RPS6KA2: variants seen among roughly 807,000 people sequenced by gnomAD.
The protein encoded by RPS6KA2 is ribosomal protein S6 kinase alpha-2.
RPS6KA2 carries 42 observed loss-of-function variants against 91.8 expected under a neutral mutation model. That is an observed-to-expected ratio of 0.46 (90% confidence interval 0.36 to 0.59). The LOEUF (loss-of-function observed/expected upper bound fraction) is 0.59, where lower values mean the gene tolerates loss of function less well. Among genes scored for constraint, RPS6KA2 ranks in the 20% least tolerant of loss-of-function variants. RPS6KA2 has a pLI of 0.00. For missense variants in RPS6KA2, 798 were observed against 978.5 expected, an observed-to-expected ratio of 0.82 and a Z score of 2.46; for synonymous variants, 414 against 393.6, an observed-to-expected ratio of 1.05 and a Z score of -0.61.
intron 2 of RPS6KA2, among the ~76,000 whole-genome samples, chr6:166,765,119 C>T (rs1453764479): frequency 7.5e-6 from 1 of 133,152 alleles, no homozygotes; most frequent in Non-Finnish European, 1.5e-5. Flanking sequence ...AGGAAAGGAC[C>T]CAGAAGTTAG....
Position 166,500,947 on chromosome 6 carries a change from A to G in RPS6KA2, c.567-23T>C. On this transcript the variant is annotated intron_variant, in intron 6 of 20. Coordinates refer to ENST00000265678, the MANE Select transcript of RPS6KA2 (RefSeq NM_021135.6). This position sits in a 1 kb window ranked among gnomAD's most constrained non-coding sequence, Gnocchi z 4.3. ...ATGCTAAAAGAAAGGGAGAGAAAAC[A>G]GATGCTTTAGAAAGAGACCCAGCCT... 6.2e-7 allele frequency: 1 copy of G among 1,611,856 alleles called. No homozygotes were observed. Among genetic ancestry groups the G allele is most frequent in the East Asian group, 2.2e-5 (1 of 44,850 alleles).
chr6:166,701,526 A>G, intron 2 of RPS6KA2: 1 of 1,441,806 alleles, frequency 6.9e-7, no homozygotes, highest in Non-Finnish European at 9.7e-7. Context: ...TTGAAGCTCC[A>G]GCAAAGCGAG....
intron 2 of RPS6KA2, among the ~76,000 whole-genome samples, chr6:166,839,714 A>AGAGGAGAGGAGAGGAGAGGAGAG (rs1467381113): frequency 2.5e-5 from 1 of 39,370 alleles, no homozygotes; most frequent in African/African-American, 1.2e-4. Flanking sequence ...AGAGGAGAGG[A>AGAGGAGAGGAGAGGAGAGGAGAG]GAGGCGGCAC....
At chr6:166,446,121 C>T (rs1256754380) in intron 14 of RPS6KA2, among the ~76,000 whole-genome samples, 2 of 152,224 alleles carry the variant, frequency 1.3e-5, no homozygotes, top group East Asian at 3.8e-4. Flanking sequence ...CAAGTGGACC[C>T]ATTCTAAATA....
chr6:166,838,885 C>T (rs1331707700), intron 2 of RPS6KA2, among the ~76,000 whole-genome samples: 1 of 137,698 alleles, frequency 7.3e-6, no homozygotes, highest in Non-Finnish European at 1.5e-5. Flanking sequence ...CACCAGGGCC[C>T]TCATAAGAGG....
At position 166,661,607 on chromosome 6, in the gene RPS6KA2, A is replaced by G. The variant is rs552951509; in HGVS notation, c.124-122823T>C. 1.9e-4 allele frequency among the ~76,000 whole-genome samples: 29 copies of G among 152,220 alleles called. No individual in the cohort carries two copies. The South Asian group carries it at 5.8e-3, about 30-fold the overall frequency. On this transcript the variant is annotated intron_variant, in intron 2 of 21. Transcript: ENST00000503859. Reference sequence around the variant, plus strand: ...TAACTTTTTATCATAGTCTCCCTATATAATAAATATAAAATCTACATTTAT... The same window carrying G: ...TAACTTTTTATCATAGTCTCCCTATGTAATAAATATAAAATCTACATTTAT...
chr6:166,630,506 A>G (rs999500068), upstream of RPS6KA2, among the ~76,000 whole-genome samples: 3 of 152,260 alleles, frequency 2.0e-5, no homozygotes, highest in Admixed American at 6.5e-5. Context: ...TGAATTCACT[A>G]GGTTCACCTG....
At chr6:166,549,560 T>C (rs1012746395) in intron 1 of RPS6KA2, among the ~76,000 whole-genome samples, 1 of 152,222 alleles carries the variant, frequency 6.6e-6, no homozygotes, top group Admixed American at 6.5e-5. Context: ...CAAAGGATTA[T>C]ACAATGTATG....
intron 2 of RPS6KA2, among the ~76,000 whole-genome samples, chr6:166,640,322 T>C (rs1176357679): frequency 6.6e-6 from 1 of 152,230 alleles, no homozygotes. Context: ...TTTCATTGTT[T>C]AAAAATATTT....
At chr6:166,717,005 G>C (rs547968369) in intron 2 of RPS6KA2, among the ~76,000 whole-genome samples, 1 of 152,358 alleles carries the variant, frequency 6.6e-6, no homozygotes, top group South Asian at 2.1e-4. Context: ...TGTGTAGGAG[G>C]ATCCGGAGCC....
chr6:166,490,821 C>T lies in RPS6KA2; in HGVS notation c.748-80G>A. 2 of 1,030,320 alleles carry T rather than the reference C, an allele frequency of 1.9e-6. No homozygotes were observed. Among genetic ancestry groups the T allele is most frequent in the Non-Finnish European group, 3.0e-6 (2 of 677,622 alleles). The allele number at this position is 1,030,320 out of a possible 1,614,324, so 63.8% of individuals were successfully genotyped here. On this transcript the variant is annotated intron_variant, in intron 8 of 20. Coordinates refer to ENST00000265678, the MANE Select transcript of RPS6KA2 (RefSeq NM_021135.6). This position sits in a 1 kb window ranked among gnomAD's most constrained non-coding sequence, Gnocchi z 4.2. ...ACGGCAGAGTACCCCAGCAGGGCAG[C>T]CTGCTACCGTGTCCATTTCCTCATG...
intron 3 of RPS6KA2, among the ~76,000 whole-genome samples, chr6:166,521,114 G>A (rs1438196917): frequency 6.6e-6 from 1 of 152,250 alleles, no homozygotes; most frequent in African/African-American, 2.4e-5. Context: ...GGAGGGAGCA[G>A]GTGGCAAAGG....
At chr6:166,822,267 G>A (rs577742939) in intron 2 of RPS6KA2, among the ~76,000 whole-genome samples, 2 of 152,194 alleles carry the variant, frequency 1.3e-5, no homozygotes, top group Admixed American at 1.3e-4. Flanking sequence ...GCCTGTGTCT[G>A]AAGACAAGGC....
chr6:166,623,690 T>C (rs1243880558), intron 1 of RPS6KA2, among the ~76,000 whole-genome samples: 1 of 152,234 alleles, frequency 6.6e-6, no homozygotes, highest in Non-Finnish European at 1.5e-5. Flanking sequence ...GTCAATGCCC[T>C]GAAAGCAGAG....
intron 12 of RPS6KA2, among the ~76,000 whole-genome samples, chr6:166,451,830 AG>A (rs1779926442): frequency 6.6e-6 from 1 of 152,234 alleles, no homozygotes; most frequent in Admixed American, 6.5e-5. Flanking sequence ...GATCTCTGTA[AG>A]ATCTGTGTTC....
At chr6:166,574,355 TC>T (rs1382580570) in intron 1 of RPS6KA2, among the ~76,000 whole-genome samples, 1 of 152,290 alleles carries the variant, frequency 6.6e-6, no homozygotes, top group African/African-American at 2.4e-5. Flanking sequence ...GTTGTTCCCA[TC>T]TTTATGTCCA....
At chr6:166,649,465 A>G (rs1256232183) in intron 2 of RPS6KA2, among the ~76,000 whole-genome samples, 2 of 152,194 alleles carry the variant, frequency 1.3e-5, no homozygotes, top group Non-Finnish European at 2.9e-5. Context: ...CGTAATTCCC[A>G]ACAAAACAAA....
At chr6:166,504,844 A>G (rs1305066174) in intron 5 of RPS6KA2, among the ~76,000 whole-genome samples, 1 of 152,124 alleles carries the variant, frequency 6.6e-6, no homozygotes, top group East Asian at 1.9e-4. Context: ...CAGGTGACTC[A>G]TGCCGCCTTG....
chr6:166,630,294 A>C (rs1787033116), upstream of RPS6KA2, among the ~76,000 whole-genome samples: 1 of 152,248 alleles, frequency 6.6e-6, no homozygotes. Flanking sequence ...CTTGAGTGAC[A>C]TCCAAGAGCT....
Sources: gnomAD v4.1 joint callset for allele counts (sites outside exome capture counted in the v4.1 genomes callset) on GRCh38, gnomAD v4.1.1 for gene constraint, Gnocchi (gnomAD v3.1) non-coding constraint, MANE v1.5 for transcripts, NCBI Gene and HGNC (gene_info 2026-07-23, HGNC 2026-07-21) for gene names.